The following CHSY3 variants were observed in gnomAD, a reference collection of about 807,000 sequenced individuals.
CHSY3 encodes N-acetylgalactosaminyl-proteoglycan 3-beta-glucuronosyltransferase 3.
In CHSY3, 35 loss-of-function variants were observed where a neutral mutation model predicts 67.2. The observed-to-expected ratio is 0.52, with a 90% confidence interval of 0.40 to 0.69. CHSY3 has a LOEUF of 0.69. Ranked by LOEUF, CHSY3 falls within the 30% of genes least tolerant of loss-of-function variation. The pLI, the probability that CHSY3 is intolerant of heterozygous loss-of-function variation, is 0.00. For synonymous variants in CHSY3, 474 were observed against 434.7 expected (o/e 1.09, Z -1.12); for missense variants, 1,069 against 1,138.5 (o/e 0.94, Z 0.88).
intron 2 of CHSY3, among the ~76,000 whole-genome samples, chr5:130,139,145 T>C (rs1008565833): frequency 6.6e-6 from 1 of 152,194 alleles, no homozygotes; most frequent in Admixed American, 6.5e-5. Context: ...ACAACAATCA[T>C]ATCACTAGGC....
chr5:129,949,257 G>T (rs1221936155), intron 2 of CHSY3, among the ~76,000 whole-genome samples: 1 of 152,054 alleles, frequency 6.6e-6, no homozygotes, highest in South Asian at 2.1e-4. Context: ...AGTCAACAAA[G>T]AAGTTGGAAG....
intron 2 of CHSY3, chr5:130,140,453 T>TCACA (rs1483310688): frequency 1.2e-5 from 13 of 1,122,562 alleles, no homozygotes; most frequent in Non-Finnish European, 1.5e-5. Context: ...AATGCTGTGG[T>TCACA]CACAGTGCCA....
At chr5:129,975,589 G>C (rs1319543569) in intron 2 of CHSY3, among the ~76,000 whole-genome samples, 4 of 152,066 alleles carry the variant, frequency 2.6e-5, no homozygotes. Flanking sequence ...TACCTAATGT[G>C]ATTATTTGAT....
At chr5:129,974,508 G>T (rs977841340) in intron 2 of CHSY3, among the ~76,000 whole-genome samples, 1 of 151,942 alleles carries the variant, frequency 6.6e-6, no homozygotes, top group African/African-American at 2.4e-5. Flanking sequence ...CTTTGTCTCC[G>T]CTGAAAATCA....
intron 2 of CHSY3, among the ~76,000 whole-genome samples, chr5:130,051,162 T>C (rs534666977): frequency 6.6e-6 from 1 of 151,558 alleles, no homozygotes; most frequent in South Asian, 2.1e-4. Flanking sequence ...TGGAAGGGAG[T>C]GGATGGAGAT....
chr5:130,069,388 T>C (rs1388062524), intron 2 of CHSY3, among the ~76,000 whole-genome samples: 1 of 152,164 alleles, frequency 6.6e-6, no homozygotes, highest in East Asian at 1.9e-4. Flanking sequence ...TGGTGATTCA[T>C]GCCTGTAATC....
chr5:129,962,204 C>G (rs1327841986), intron 2 of CHSY3, among the ~76,000 whole-genome samples: 1 of 151,984 alleles, frequency 6.6e-6, no homozygotes, highest in Non-Finnish European at 1.5e-5. Flanking sequence ...TGGCTGAACG[C>G]ATAACCTTCA....
At chr5:129,972,695 C>G (rs1314464627) in intron 2 of CHSY3, among the ~76,000 whole-genome samples, 1 of 151,822 alleles carries the variant, frequency 6.6e-6, no homozygotes, top group Non-Finnish European at 1.5e-5. Context: ...TTAACTCCCC[C>G]ACACCCACTC....
intron 2 of CHSY3, among the ~76,000 whole-genome samples, chr5:130,162,159 G>A (rs896033618): frequency 6.6e-6 from 1 of 150,956 alleles, no homozygotes; most frequent in African/African-American, 2.4e-5. Flanking sequence ...TTTACCTATT[G>A]ACATTTTTGT....
At chr5:130,163,724 G>A (rs1769634764) in intron 2 of CHSY3, among the ~76,000 whole-genome samples, 3 of 152,120 alleles carry the variant, frequency 2.0e-5, no homozygotes, top group African/African-American at 7.2e-5. Flanking sequence ...CTGTGGATGG[G>A]GGAGGATTGA....
rs374761059 is a variant in CHSY3 at position 130,184,942 on chromosome 5, T to C, written c.1800T>C (p.Ser600=). The change falls in exon 3 of 3, where the codon TCT becomes TCC. Residue 600 remains serine, a synonymous_variant. Coordinates refer to ENST00000305031, the MANE Select transcript of CHSY3 (RefSeq NM_175856.5). ...ETQSFSFISN[S]LKILSSFQGA... is the part of the protein sequence containing the mutation. ...AGTCATTCTCCTTTATATCTAATTC[T>C]TTAAAGATATTATCTTCTTTTCAAG... 19 of 1,557,616 alleles carry C rather than the reference T, an allele frequency of 1.2e-5. No homozygotes were observed. The African/African-American group carries it at 2.0e-4, about 17-fold the overall frequency.
At chr5:130,141,855 A>C in intron 2 of CHSY3, 1 of 312,478 alleles carries the variant, frequency 3.2e-6, no homozygotes, top group Non-Finnish European at 6.4e-6. Context: ...ACCAGAGTAC[A>C]GGAGGCACAC....
chr5:130,063,805 C>G (rs1765790078), intron 2 of CHSY3, among the ~76,000 whole-genome samples: 1 of 152,102 alleles, frequency 6.6e-6, no homozygotes, highest in Non-Finnish European at 1.5e-5. Context: ...AGCAAGCTAG[C>G]CCAATGCTGT....
At chr5:129,906,417 G>A (rs1321556898) in intron 1 of CHSY3, among the ~76,000 whole-genome samples, 1 of 152,214 alleles carries the variant, frequency 6.6e-6, no homozygotes, top group African/African-American at 2.4e-5. Flanking sequence ...ACAGCAGACT[G>A]TACTAGCACA....
chr5:130,137,282 C>T (rs990807420), intron 2 of CHSY3, among the ~76,000 whole-genome samples: 31 of 152,150 alleles, frequency 2.0e-4, no homozygotes, highest in Admixed American at 1.1e-3. Flanking sequence ...CAACTCTTTT[C>T]CTTTATCAGT....
In CHSY3 at chr5:130,148,443, T is replaced by G. The variant is rs115834308; in HGVS notation, c.1087-35786T>G. On this transcript the variant is annotated intron_variant, in intron 2 of 2. Coordinates refer to ENST00000305031, the MANE Select transcript of CHSY3 (RefSeq NM_175856.5). Reference sequence around the variant, plus strand: ...GGATTGCTGGGTAGAACGGTAGCTCTGCTTTCAGGTCTCTGATGAATCACC... The same window carrying G: ...GGATTGCTGGGTAGAACGGTAGCTCGGCTTTCAGGTCTCTGATGAATCACC... Among the ~76,000 whole-genome samples the G allele has an allele frequency of 5.0e-3, 758 of 152,346 alleles. 8 individuals are homozygous for G. The highest frequency in any genetic ancestry group is 0.017 in the African/African-American group (723 of 41,586).
chr5:130,131,727 T>G (rs994847610), intron 2 of CHSY3, among the ~76,000 whole-genome samples: 11 of 152,156 alleles, frequency 7.2e-5, no homozygotes, highest in Non-Finnish European at 1.0e-4. Flanking sequence ...GAGTTGGTCA[T>G]TGCCAACCCA....
chr5:130,111,032 A>T (rs1024478427), intron 2 of CHSY3, among the ~76,000 whole-genome samples: 2 of 151,962 alleles, frequency 1.3e-5, no homozygotes, highest in Non-Finnish European at 2.9e-5. Flanking sequence ...TTACTCATTC[A>T]CAAACCTCCA....
intron 2 of CHSY3, among the ~76,000 whole-genome samples, chr5:130,007,622 G>C (rs1042596748): frequency 7.2e-5 from 11 of 152,152 alleles, no homozygotes. Flanking sequence ...GGACATTTAG[G>C]CTGGGAGAGA....
Sources: allele counts gnomAD v4.1 joint callset (sites outside exome capture counted in the v4.1 genomes callset), GRCh38; gene constraint gnomAD v4.1.1; transcripts MANE v1.5; gene names NCBI Gene and HGNC (gene_info 2026-07-23, HGNC 2026-07-21).